The following CPNE4 variants were observed in gnomAD, a reference collection of about 807,000 sequenced individuals.
CPNE4 encodes the protein copine 4.
CPNE4 carries 25 observed loss-of-function variants against 67.9 expected under a neutral mutation model. The ratio of observed to expected loss-of-function variants is 0.37; its 90% CI spans 0.27 to 0.51. The LOEUF is 0.51. Among genes scored for constraint, CPNE4 ranks in the 20% least tolerant of loss-of-function variants. The pLI is 0.93. For synonymous variants in CPNE4, 242 were observed against 244.9 expected, an observed-to-expected ratio of 0.99 and a Z score of 0.11; for missense variants, 464 against 690.8, an observed-to-expected ratio of 0.67 and a Z score of 3.68.
At chr3:131,986,720 C>T (rs1018303558) in intron 1 of CPNE4, among the ~76,000 whole-genome samples, 3 of 151,818 alleles carry the variant, frequency 2.0e-5, no homozygotes, top group Non-Finnish European at 4.4e-5. Flanking sequence ...CATGGTGAAA[C>T]CCAGTCTCTA....
chr3:131,553,175 G>T (rs1050018587), intron 12 of CPNE4, among the ~76,000 whole-genome samples: 4 of 151,906 alleles, frequency 2.6e-5, no homozygotes, highest in African/African-American at 9.7e-5. Context: ...AGATGTTCTG[G>T]CATCTGGACA....
chr3:131,560,635 G>T (rs754669774), intron 11 of CPNE4, among the ~76,000 whole-genome samples: 4 of 151,976 alleles, frequency 2.6e-5, no homozygotes, highest in Non-Finnish European at 5.9e-5. Context: ...GTGAGATTGT[G>T]GGCTACTTGG....
intron 2 of CPNE4, among the ~76,000 whole-genome samples, chr3:131,867,826 A>G (rs1280816698): frequency 6.6e-6 from 1 of 152,110 alleles, no homozygotes; most frequent in Non-Finnish European, 1.5e-5. Context: ...GAGATGAACC[A>G]TCTCTCTCTT....
intron 6 of CPNE4, among the ~76,000 whole-genome samples, chr3:131,681,252 G>T (rs2080746153): frequency 6.6e-6 from 1 of 152,154 alleles, no homozygotes; most frequent in Admixed American, 6.5e-5. Context: ...TGAACCTTCA[G>T]ATGATTTCTT....
In CPNE4 at chr3:131,758,403, AC is replaced by A. The variant is rs914654984; in HGVS notation, c.181-34779del. ...TTTTTAGACTTGCATGGACCCTGTA[AC>A]GTCTTGTTTTGGCCAATTTCTCCCA... On this transcript the variant is annotated intron_variant, in intron 2 of 15. Transcript: ENST00000429747. Among the ~76,000 whole-genome samples the A allele has an allele frequency of 3.9e-5, 6 of 152,210 alleles. No individual in the cohort carries two copies. In the South Asian group the frequency reaches 1.0e-3, roughly 26 times the overall value.
Position 131,564,317 on chromosome 3 carries a change from G to A in CPNE4, c.960C>T (p.Asp320=), listed in dbSNP as rs139695806. Residue 320 remains aspartate, a synonymous_variant, in exon 11 of 16, where the codon GAC becomes GAT. Transcript: ENST00000429747. ...AGTGCAAGGAACAGCTGTTCCTGGG[G>A]TCCCCGTTTGAGGCAGTGAAATCTA... ...VAIDFTASNG[D]PRNSCSLHYI... 136 of 1,612,458 alleles carry A rather than the reference G, an allele frequency of 8.4e-5. No individual in the cohort carries two copies. Among genetic ancestry groups the A allele is most frequent in the Non-Finnish European group, 1.1e-4 (132 of 1,179,154 alleles).
At chr3:131,836,998 A>T (rs1254933453) in intron 2 of CPNE4, among the ~76,000 whole-genome samples, 1 of 152,184 alleles carries the variant, frequency 6.6e-6, no homozygotes, top group Admixed American at 6.5e-5. Flanking sequence ...AGATATTAGG[A>T]ATATGCAAAT....
chr3:131,720,607 G>T (rs1344894287), intron 3 of CPNE4, among the ~76,000 whole-genome samples: 1 of 152,172 alleles, frequency 6.6e-6, no homozygotes, highest in African/African-American at 2.4e-5. Flanking sequence ...CATGGCTGAT[G>T]TGAGTATATA....
chr3:131,664,027 C>G (rs1269919607), intron 7 of CPNE4, among the ~76,000 whole-genome samples: 3 of 152,180 alleles, frequency 2.0e-5, no homozygotes, highest in African/African-American at 7.2e-5. Flanking sequence ...TAGCTCCTAT[C>G]AACCATACTC....
intron 2 of CPNE4, among the ~76,000 whole-genome samples, chr3:131,882,723 ATT>A (rs534737633): frequency 4.4e-5 from 6 of 136,138 alleles, no homozygotes; most frequent in Admixed American, 7.6e-5. Context: ...GTTCTGCTCT[ATT>A]TTTTTTTTTT....
chr3:131,767,100 G>A (rs531645618), intron 2 of CPNE4, among the ~76,000 whole-genome samples: 15 of 152,232 alleles, frequency 9.9e-5, no homozygotes, highest in South Asian at 2.1e-4. Context: ...TAACAGAAAC[G>A]TTGAAATCTA....
intron 7 of CPNE4, among the ~76,000 whole-genome samples, chr3:131,666,981 T>G (rs184940244): frequency 1.3e-5 from 2 of 152,188 alleles, no homozygotes; most frequent in African/African-American, 4.8e-5. Flanking sequence ...TAAGGAAGTA[T>G]AGTTAGCATT....
intron 6 of CPNE4, among the ~76,000 whole-genome samples, chr3:131,672,829 T>A (rs2080458469): frequency 6.6e-6 from 1 of 151,778 alleles, no homozygotes; most frequent in African/African-American, 2.4e-5. Context: ...AGTGCAGAAT[T>A]TTTTTTTAAC....
chr3:131,756,962 T>C (rs954570952), intron 2 of CPNE4, among the ~76,000 whole-genome samples: 26 of 152,208 alleles, frequency 1.7e-4, no homozygotes, highest in African/African-American at 6.3e-4. Flanking sequence ...GCCACTGCCA[T>C]GGAAGAAGTG....
intron 2 of CPNE4, among the ~76,000 whole-genome samples, chr3:131,802,075 C>T (rs964092170): frequency 3.3e-5 from 5 of 151,964 alleles, no homozygotes; most frequent in Admixed American, 3.3e-4. Context: ...AAGGTTAATG[C>T]AGAACATGAC....
chr3:131,880,127 TAC>T, intron 2 of CPNE4, among the ~76,000 whole-genome samples: 1 of 112,380 alleles, frequency 8.9e-6, no homozygotes. Flanking sequence ...TATATATATA[TAC>T]ATATTTTTTT....
chr3:131,890,259 T>C (rs2107739049), intron 2 of CPNE4, among the ~76,000 whole-genome samples: 1 of 152,126 alleles, frequency 6.6e-6, no homozygotes, highest in East Asian at 1.9e-4. Context: ...AATAACCTGA[T>C]TTTTTAAATG....
chr3:131,749,860 C>T (rs2082581093), intron 2 of CPNE4, among the ~76,000 whole-genome samples: 1 of 152,054 alleles, frequency 6.6e-6, no homozygotes, highest in South Asian at 2.1e-4. Context: ...TTTGTTGTAA[C>T]AGAATACCTG....
At chr3:131,627,207 A>G (rs1366182299) in intron 7 of CPNE4, among the ~76,000 whole-genome samples, 1 of 150,756 alleles carries the variant, frequency 6.6e-6, no homozygotes, top group Admixed American at 6.6e-5. Flanking sequence ...AAAAAAAAAA[A>G]AAAGAAAAAA....
Sources: allele counts gnomAD v4.1 joint callset (sites outside exome capture counted in the v4.1 genomes callset), GRCh38; gene constraint gnomAD v4.1.1; transcripts MANE v1.5; gene names NCBI Gene and HGNC (gene_info 2026-07-23, HGNC 2026-07-21).